DNAH2: variants seen among roughly 807,000 people sequenced by gnomAD.
DNAH2 encodes the protein axonemal beta dynein heavy chain 2.
DNAH2 carries 323 observed loss-of-function variants against 523.5 expected under a neutral mutation model. The ratio of observed to expected loss-of-function variants is 0.62; its 90% CI spans 0.56 to 0.68. DNAH2 has a LOEUF of 0.68. DNAH2 is among the 30% of genes least tolerant of loss of function. The pLI is 0.00. For synonymous variants in DNAH2, 2,093 were observed against 2,177.4 expected (o/e 0.96, Z 1.08); for missense variants, 4,907 against 5,701.5 (o/e 0.86, Z 4.49).
intron 13 of DNAH2, among the ~76,000 whole-genome samples, chr17:7,758,219 G>A (rs1404182582): frequency 6.6e-6 from 1 of 152,200 alleles, no homozygotes; most frequent in Non-Finnish European, 1.5e-5. Flanking sequence ...AGCCAAATGT[G>A]ATGAGTGGGT....
intron 39 of DNAH2, among the ~76,000 whole-genome samples, chr17:7,782,919 T>C (rs1233767912): frequency 3.3e-5 from 5 of 152,080 alleles, no homozygotes; most frequent in Admixed American, 2.6e-4. Context: ...AAAAGGACGA[T>C]GGGAAACAAA....
In DNAH2 at chr17:7,765,510, GGCAGATGACTTCAAGAAGAAA is replaced by G; in HGVS notation, c.3460_3480del (p.Asp1154_Ala1160del). On this transcript the variant is annotated inframe_deletion, in exon 21 of 86. Transcript: ENST00000572933. ...AATTCAAGACAGGCCTGATCCACTC[GGCAGATGACTTCAAGAAGAAA>G]GCACATACACTTCTGGAAGATTTCG... 1 of 1,614,200 alleles carries G rather than the reference GGCAGATGACTTCAAGAAGAAA, an allele frequency of 6.2e-7. No individual in the cohort carries two copies. The highest frequency in any genetic ancestry group is 8.5e-7 in the Non-Finnish European group (1 of 1,180,042).
At chr17:7,758,002 G>T (rs2151192595) in intron 13 of DNAH2, among the ~76,000 whole-genome samples, 1 of 152,190 alleles carries the variant, frequency 6.6e-6, no homozygotes, top group East Asian at 1.9e-4. Flanking sequence ...AATTTGGTGG[G>T]GACACACACA....
rs1308480866 is a variant in DNAH2 at position 7,816,734 on chromosome 17, A to G, written c.9893A>G (p.Gln3298Arg). The G allele has an allele frequency of 6.2e-7, 1 of 1,613,394 alleles. No homozygotes were observed. Among genetic ancestry groups the G allele is most frequent in the Non-Finnish European group, 8.5e-7 (1 of 1,180,000 alleles). ...GEKARWEETV[Q>R]GLEEDLGYLV... The stretch of plus-strand genomic sequence containing the variant: ...AAGGCCAGATGGGAGGAGACAGTCC[A>G]GGTGAGATCAGCTGTACTACCTGGT... Residue 3298 changes from glutamine to arginine, a missense_variant and splice_region_variant, in exon 64 of 86, where the codon CAG (glutamine) becomes CGG (arginine). Transcript: ENST00000572933.
At chr17:7,753,231 C>G (rs2075739132) in intron 12 of DNAH2, among the ~76,000 whole-genome samples, 1 of 152,060 alleles carries the variant, frequency 6.6e-6, no homozygotes, top group African/African-American at 2.4e-5. Context: ...GCAGGAGCGC[C>G]AAGTTTGCAG....
In DNAH2 at chr17:7,832,778, G is replaced by A. The variant is rs375474238; in HGVS notation, c.12903+23G>A. 2 of 1,613,594 alleles carry A rather than the reference G, an allele frequency of 1.2e-6. No homozygotes were observed. Among genetic ancestry groups the A allele is most frequent in the Non-Finnish European group, 8.5e-7 (1 of 1,179,858 alleles). Reference sequence around the variant, plus strand: ...AACGTGAGCAATGTGCAAAGTGTGAGGGGGGGATGTATGCTGGGGCCATGT... The same window carrying A: ...AACGTGAGCAATGTGCAAAGTGTGAAGGGGGGATGTATGCTGGGGCCATGT... On this transcript the variant is annotated intron_variant, in intron 83 of 85. Transcript: ENST00000572933. The surrounding 1 kb of genome is among the most constrained non-coding windows in gnomAD (Gnocchi z 4.3).
Position 7,780,722 on chromosome 17 carries a change from C to T in DNAH2, c.5943C>T (p.Thr1981=). 2 of 1,614,246 alleles carry T rather than the reference C, an allele frequency of 1.2e-6. No individual in the cohort carries two copies. Among genetic ancestry groups the T allele is most frequent in the Non-Finnish European group, 1.7e-6 (2 of 1,180,046 alleles). ...DHYDFGLRAL[T]SLLRYAGKKR... ...ATGACTTTGGCCTGCGTGCCCTCAC[C>T]TCCCTTCTGCGCTATGCTGGCAAGA... Residue 1981 remains threonine (T), a synonymous_variant, in exon 38 of 86, where the codon ACC becomes ACT. Coordinates refer to ENST00000572933, the MANE Select transcript of DNAH2 (RefSeq NM_020877.5). This position sits in a 1 kb window ranked among gnomAD's most constrained non-coding sequence, Gnocchi z 4.4.
chr17:7,768,044 T>C lies in DNAH2; in HGVS notation c.3820T>C (p.Leu1274=). The part of the protein sequence containing the change: ...AHGLFRRLTK[L]AKEYKDRNWE... ...CGGGCTGTTTCGTCGCCTCACAAAA[T>C]TAGCCAAAGAGTATAAGGTGGGGAG... The change falls in exon 23 of 86, where the codon TTA becomes CTA. Residue 1274 remains leucine (L), a synonymous_variant. Coordinates refer to ENST00000572933, the MANE Select transcript of DNAH2 (RefSeq NM_020877.5). 1 of 1,614,006 alleles carries C rather than the reference T, an allele frequency of 6.2e-7. No individual in the cohort carries two copies. Among genetic ancestry groups the C allele is most frequent in the Non-Finnish European group, 8.5e-7 (1 of 1,180,008 alleles).
chr17:7,721,129 C>A (rs1007282981), intron 2 of DNAH2, among the ~76,000 whole-genome samples: 1 of 151,786 alleles, frequency 6.6e-6, no homozygotes, highest in East Asian at 1.9e-4. Context: ...GTGCCTCAGC[C>A]TCCCAAGTAG....
intron 57 of DNAH2, 64 bp from the exon 58 acceptor site, chr17:7,801,814 C>T (rs2077232228): frequency 6.2e-7 from 1 of 1,610,796 alleles, no homozygotes; most frequent in South Asian, 1.1e-5. Context: ...CCTCTCATCG[C>T]ACTCCCAGCC....
Position 7,719,914 on chromosome 17 carries a change from G to C in DNAH2, c.166+14G>C. 1 of 1,504,586 alleles carries C rather than the reference G, an allele frequency of 6.6e-7. No homozygotes were observed. The highest frequency in any genetic ancestry group is 8.9e-7 in the Non-Finnish European group (1 of 1,127,452). The allele number at this position is 1,504,586 out of a possible 1,614,324, so 93.2% of individuals were successfully genotyped here. On this transcript the variant is annotated intron_variant, in intron 2 of 85. Transcript: ENST00000572933. ...AGGAGGAGCCTGGTGGGTACTTGCT[G>C]GGGCAGAGGATGCTTAGCAATGGAG...
At chr17:7,788,287 C>A in intron 44 of DNAH2, 43 bp downstream of exon 44, 3 of 1,518,856 alleles carry the variant, frequency 2.0e-6, no homozygotes, top group South Asian at 1.2e-5. Context: ...AGGGGGTGCT[C>A]ACAGCCTCAC....
In DNAH2 at chr17:7,794,275, A is replaced by G. The variant is rs760196535; in HGVS notation, c.7591A>G (p.Met2531Val). ...YIREMFLMAA[M>V]GPPGGGRTVI... is the part of the protein sequence containing the mutation. ...CTAGGAAATGTTCCTGATGGCTGCC[A>G]TGGGCCCCCCTGGGGGTGGACGGAC... The change falls in exon 49 of 86, where the codon ATG becomes GTG. Residue 2531 changes from methionine to valine, a missense_variant. This residue lies in a region of DNAH2 where 250 missense variants were observed against 371.3 expected (regional missense o/e 0.67). Transcript: ENST00000572933. The G allele has an allele frequency of 6.2e-6, 10 of 1,608,806 alleles. No homozygotes were observed. The highest frequency in any genetic ancestry group is 4.5e-5 in the East Asian group (2 of 44,148).
chr17:7,833,663 T>A lies in DNAH2; in HGVS notation c.*130T>A, dbSNP rs1369206231. 2 of 1,235,252 alleles carry A rather than the reference T, an allele frequency of 1.6e-6. No individual in the cohort carries two copies. Among genetic ancestry groups the A allele is most frequent in the Admixed American group, 3.9e-5 (2 of 51,538 alleles). The allele number at this position is 1,235,252 out of a possible 1,614,324, so 76.5% of individuals were successfully genotyped here. On this transcript the variant is annotated 3_prime_UTR_variant, in exon 86 of 86. Transcript: ENST00000572933. ...TGGCCGAATTTGTGTGATGTGGCCC[T>A]GGAGATACCTAGTTGTGTTAGCCAT...
In DNAH2 at chr17:7,821,898, G is replaced by A. The variant is rs967399475; in HGVS notation, c.11142+529G>A. 2.6e-5 allele frequency among the ~76,000 whole-genome samples: 4 copies of A among 152,022 alleles called. No individual in the cohort carries two copies. Among genetic ancestry groups the A allele is most frequent in the Non-Finnish European group, 5.9e-5 (4 of 68,000 alleles). On this transcript the variant is annotated intron_variant, in intron 73 of 85. Transcript: ENST00000572933. This position sits in a 1 kb window ranked among gnomAD's most constrained non-coding sequence, Gnocchi z 5.0. ...GCCCCTAAGGCTTCCAGACAACCAT[G>A]CTGCACTCTCCCGCCCTCCTAGACA...
chr17:7,756,523 C>T (rs2075843971), intron 12 of DNAH2, among the ~76,000 whole-genome samples: 1 of 151,520 alleles, frequency 6.6e-6, no homozygotes, highest in African/African-American at 2.4e-5. Flanking sequence ...CGATCACCTA[C>T]CTCAGCCTCC....
rs762652927 is a variant in DNAH2, at chr17:7,780,280, G to A, written c.5846G>A (p.Cys1949Tyr). ...CTCTTTGGAGAGGGCTTTGGCAACT[G>A]CAAGGTACTCCAATAACCCCTTTTC... ...IILFGEGFGN[C>Y]KILAKKVYTL... is the part of the protein sequence containing the mutation. Residue 1949 changes from cysteine to tyrosine, a missense_variant, in exon 37 of 86, where the codon TGC becomes TAC. Transcript: ENST00000572933. The surrounding 1 kb of genome is among the most constrained non-coding windows in gnomAD (Gnocchi z 4.4). The A allele has an allele frequency of 1.2e-6, 2 of 1,614,118 alleles. No homozygotes were observed. The highest frequency in any genetic ancestry group is 1.7e-6 in the Non-Finnish European group (2 of 1,180,012).
At position 7,821,374 on chromosome 17, in the gene DNAH2, G is replaced by A. The variant is rs2077849608; in HGVS notation, c.11142+5G>A. The A allele has an allele frequency of 6.2e-7, 1 of 1,611,942 alleles. No individual in the cohort carries two copies. The highest frequency in any genetic ancestry group is 8.5e-7 in the Non-Finnish European group (1 of 1,178,756). On this transcript the variant is annotated splice_donor_5th_base_variant and intron_variant, in intron 73 of 85. Transcript: ENST00000572933. The surrounding 1 kb of genome is among the most constrained non-coding windows in gnomAD (Gnocchi z 5.0). ...TTCTTTCTACGTGGGGGTGTGGTGA[G>A]TTGGGCAGAGAGCACATCCCAGGAT... is the stretch of plus-strand genomic sequence containing the variant.
intron 4 of DNAH2, among the ~76,000 whole-genome samples, chr17:7,729,974 A>T (rs2074937520): frequency 6.6e-6 from 1 of 152,240 alleles, no homozygotes; most frequent in Admixed American, 6.5e-5. Context: ...CACGAGCAAA[A>T]TGAAAAGAAA....
Sources: gnomAD v4.1 joint callset for allele counts (sites outside exome capture counted in the v4.1 genomes callset) on GRCh38, gnomAD v4.1.1 for gene constraint, gnomAD v4.1.1 regional missense constraint, Gnocchi (gnomAD v3.1) non-coding constraint, MANE v1.5 for transcripts, NCBI Gene and HGNC (gene_info 2026-07-23, HGNC 2026-07-21) for gene names.